The following ITGA1 variants were observed in gnomAD, a reference collection of about 807,000 sequenced individuals.
ITGA1 encodes integrin subunit alpha 1, also known as integrin alpha-1.
In ITGA1, 85 loss-of-function variants were observed where a neutral mutation model predicts 145.9. The observed-to-expected ratio is 0.58, with a 90% CI of 0.49 to 0.70. ITGA1 has a LOEUF of 0.70. Ranked by LOEUF, ITGA1 falls within the 30% of genes least tolerant of loss-of-function variation. ITGA1 has a pLI of 0.00. For missense variants in ITGA1, 1,351 were observed against 1,418.7 expected (o/e 0.95, Z 0.77); for synonymous variants, 520 against 495.3 (o/e 1.05, Z -0.66).
intron 9 of ITGA1, 49 bp from the exon 10 acceptor site, chr5:52,897,406 A>G (rs870992): frequency 0.079 from 100,437 of 1,278,076 alleles, 4,247 homozygotes; most frequent in Middle Eastern, 0.17. Context: ...TCAGTAGTGC[A>G]TGAAAAGGCA....
At chr5:52,834,071 A>G (rs922125802) in intron 1 of ITGA1, among the ~76,000 whole-genome samples, 4 of 152,198 alleles carry the variant, frequency 2.6e-5, no homozygotes, top group African/African-American at 9.6e-5. Flanking sequence ...AACACATAAC[A>G]TAAGACAGTC....
chr5:52,861,333 A>C, intron 2 of ITGA1, 114 bp from the exon 3 acceptor site: 1 of 666,714 alleles, frequency 1.5e-6, no homozygotes, highest in Admixed American at 2.8e-5. Context: ...TAATAGCATG[A>C]TTATTATCTG....
At chr5:52,898,848 T>C (rs1750271786) in intron 11 of ITGA1, among the ~76,000 whole-genome samples, 1 of 152,192 alleles carries the variant, frequency 6.6e-6, no homozygotes, top group African/African-American at 2.4e-5. Context: ...GTCATGTAAC[T>C]TCTTCTTTAA....
chr5:52,920,196 G>A (rs543828141), intron 16 of ITGA1, 136 bp from the exon 17 acceptor site: 3 of 633,724 alleles, frequency 4.7e-6, no homozygotes, highest in East Asian at 3.0e-5. Flanking sequence ...ATAACAGTGT[G>A]GATATGCTGA....
chr5:52,874,156 C>T (rs1580073497), intron 6 of ITGA1, among the ~76,000 whole-genome samples: 1 of 151,898 alleles, frequency 6.6e-6, no homozygotes, highest in South Asian at 2.1e-4. Context: ...CTGGTGAGGG[C>T]CTTGCGCTTG....
intron 14 of ITGA1, among the ~76,000 whole-genome samples, chr5:52,911,099 AGT>A (rs1403525442): frequency 1.6e-3 from 224 of 136,230 alleles, no homozygotes; most frequent in African/African-American, 5.7e-3. Flanking sequence ...GTGTATATAT[AGT>A]GTATATATAG....
intron 6 of ITGA1, among the ~76,000 whole-genome samples, chr5:52,872,285 C>T (rs1021314835): frequency 6.6e-6 from 1 of 151,990 alleles, no homozygotes; most frequent in African/African-American, 2.4e-5. Context: ...GCAGCCATAC[C>T]TTTGTCAGTC....
In ITGA1 at chr5:52,887,934, A is replaced by G. The variant is rs1288318225; in HGVS notation, c.893A>G (p.Glu298Gly). The change falls in exon 8 of 29, where the codon GAA becomes GGA. Residue 298 changes from glutamate (E) to glycine (G), a missense_variant. By Grantham distance (98) the Glu-to-Gly change is moderately conservative. Coordinates refer to ENST00000282588, the MANE Select transcript of ITGA1 (RefSeq NM_181501.2). ...CTGAAGAAGGTCATCCAAGACTGTGAAGATGAAAACATTCAACGGTTTTCC... is the reference window on the plus strand; with the variant it reads ...CTGAAGAAGGTCATCCAAGACTGTGGAGATGAAAACATTCAACGGTTTTCC... ...HRLKKVIQDC[E>G]DENIQRFSIA... 6 of 1,613,770 alleles carry G rather than the reference A, an allele frequency of 3.7e-6. No homozygotes were observed. Among genetic ancestry groups the G allele is most frequent in the Non-Finnish European group, 5.1e-6 (6 of 1,179,748 alleles).
rs1751306370 is a variant in ITGA1, at chr5:52,956,438, G to A, written c.*3987G>A. 1 of 152,120 alleles carries A rather than the reference G, an allele frequency of 6.6e-6. No homozygotes were observed. Among genetic ancestry groups the A allele is most frequent in the African/African-American group, 2.4e-5 (1 of 41,418 alleles). The allele number at this position is 152,120 out of a possible 1,614,324, so 9.4% of individuals were successfully genotyped here. A position where few individuals can be genotyped will look rare whatever the true frequency, so the allele number is the denominator to read the frequency against. The stretch of plus-strand genomic sequence containing the variant: ...CCCTTTTGCCAGTTTTCTCCCCCAG[G>A]GGAGATTTTCAAGACTACTGGAGAA... On this transcript the variant is annotated 3_prime_UTR_variant, in exon 29 of 29. Transcript: ENST00000282588.
At chr5:52,846,620 A>T (rs1253045795) in intron 1 of ITGA1, among the ~76,000 whole-genome samples, 5 of 152,244 alleles carry the variant, frequency 3.3e-5, no homozygotes, top group Non-Finnish European at 2.9e-5. Context: ...TATGCAGAAG[A>T]TGGTAACCAG....
intron 11 of ITGA1, chr5:52,905,332 A>C (rs1750383492): frequency 6.6e-6 from 1 of 152,534 alleles, no homozygotes; most frequent in Non-Finnish European, 1.5e-5. Context: ...ATTATTTAAA[A>C]TTACAATTTT....
At chr5:52,811,932 G>A (rs1279576332) in intron 1 of ITGA1, among the ~76,000 whole-genome samples, 4 of 152,274 alleles carry the variant, frequency 2.6e-5, no homozygotes, top group African/African-American at 7.2e-5. Flanking sequence ...TGATGCCTGA[G>A]CCCTACCTCA....
At chr5:52,858,246 T>C (rs1749547108) in intron 2 of ITGA1, among the ~76,000 whole-genome samples, 1 of 152,196 alleles carries the variant, frequency 6.6e-6, no homozygotes, top group African/African-American at 2.4e-5. Flanking sequence ...CTACATAGAA[T>C]AAAGCCAAAG....
intron 1 of ITGA1, among the ~76,000 whole-genome samples, chr5:52,814,207 C>T (rs983877310): frequency 5.9e-5 from 9 of 152,144 alleles, no homozygotes; most frequent in South Asian, 2.1e-4. Flanking sequence ...AGTGCAGTGG[C>T]GCGATCTCAG....
intron 14 of ITGA1, among the ~76,000 whole-genome samples, chr5:52,911,892 A>T (rs1314088987): frequency 8.0e-6 from 1 of 124,990 alleles, no homozygotes; most frequent in Non-Finnish European, 1.7e-5. Context: ...TATATATAGC[A>T]TATCTAATAT....
intron 23 of ITGA1, 69 bp from the exon 24 acceptor site, chr5:52,937,332 G>A: frequency 1.0e-6 from 1 of 993,006 alleles, no homozygotes; most frequent in Non-Finnish European, 1.6e-6. Flanking sequence ...AGAAAACAAA[G>A]CCCTACATAA....
At chr5:52,942,328 T>TTA (rs1369166602) in intron 26 of ITGA1, among the ~76,000 whole-genome samples, 1 of 152,316 alleles carries the variant, frequency 6.6e-6, no homozygotes, top group East Asian at 1.9e-4. Context: ...TGTTGGTACT[T>TTA]TAAGAGCAAC....
At chr5:52,881,056 C>T (rs1749949214) in intron 6 of ITGA1, among the ~76,000 whole-genome samples, 1 of 152,106 alleles carries the variant, frequency 6.6e-6, no homozygotes, top group Admixed American at 6.6e-5. Flanking sequence ...GTTATCCAAT[C>T]TGTGGACTAA....
chr5:52,941,521 A>G (rs1751053971), intron 26 of ITGA1, among the ~76,000 whole-genome samples: 1 of 152,120 alleles, frequency 6.6e-6, no homozygotes, highest in African/African-American at 2.4e-5. Flanking sequence ...CATTTCTGTA[A>G]TGATTAGTGA....
Sources: allele counts gnomAD v4.1 joint callset (sites outside exome capture counted in the v4.1 genomes callset), GRCh38; gene constraint gnomAD v4.1.1; transcripts MANE v1.5; gene names NCBI Gene and HGNC (gene_info 2026-07-23, HGNC 2026-07-21).